MAGEB10: variants seen among roughly 807,000 people sequenced by gnomAD.
MAGEB10 encodes the protein MAGE family member B10.
For synonymous variants in MAGEB10, 99 were observed against 101.0 expected, an observed-to-expected ratio of 0.98 and a Z score of 0.12; for missense variants, 190 against 261.9, an observed-to-expected ratio of 0.73 and a Z score of 1.89.
intron 1 of MAGEB10, among the ~76,000 whole-genome samples, chrX:27,810,056 C>G (rs2147389929): frequency 9.0e-6 from 1 of 111,345 alleles, no homozygotes; most frequent in African/African-American, 3.3e-5. Flanking sequence ...ACTCAGCTCT[C>G]TGTAAAATGG....
intron 1 of MAGEB10, among the ~76,000 whole-genome samples, chrX:27,813,990 A>T (rs1923735210): frequency 9.0e-6 from 1 of 111,720 alleles, no homozygotes; most frequent in Admixed American, 9.5e-5. Context: ...ACCTGACATG[A>T]ATGTGCTCAA....
At chrX:27,809,420 C>CTCCAACCCCGCCAGCCCCCA (rs1235065275) in intron 1 of MAGEB10, among the ~76,000 whole-genome samples, 2 of 34,162 alleles carry the variant, frequency 5.9e-5, no homozygotes, top group African/African-American at 2.7e-4. Context: ...CGCCAGCCCC[C>CTCCAACCCCGCCAGCCCCCA]CCCAACCCCG....
At position 27,821,721 on chromosome X, in the gene MAGEB10, A is replaced by C. The variant is rs773999823; in HGVS notation, c.415A>C (p.Arg139=). 2 of 1,212,058 alleles carry C rather than the reference A, an allele frequency of 1.7e-6. No homozygotes were observed. The highest frequency in any genetic ancestry group is 1.7e-5 in the African/African-American group (1 of 57,846). ...KEPITKADML[R]NVTQMSKSQF... is the part of the protein sequence containing the mutation. ...GCCCATTACAAAGGCAGATATGCTG[A>C]GAAATGTAACCCAAATGTCCAAGAG... Residue 139 remains arginine (R), a synonymous_variant, in exon 3 of 3, where the codon AGA becomes CGA. Coordinates refer to ENST00000356790, the MANE Select transcript of MAGEB10 (RefSeq NM_182506.3).
chrX:27,822,468 T>C lies in MAGEB10; in HGVS notation c.*118T>C, dbSNP rs368168872. On this transcript the variant is annotated 3_prime_UTR_variant, in exon 3 of 3. Coordinates refer to ENST00000356790, the MANE Select transcript of MAGEB10 (RefSeq NM_182506.3). ...AATATGTTTGTGTTAATGTTCTATG[T>C]GATGGCTTGGAATTTTTGAAGATGT... The C allele has an allele frequency of 2.8e-6, 2 of 711,814 alleles. No homozygotes were observed. Among genetic ancestry groups the C allele is most frequent in the Non-Finnish European group, 4.0e-6 (2 of 497,635 alleles). 58.7% of individuals were successfully genotyped at this position (711,814 alleles called of 1,213,427 possible).
Position 27,821,476 on chromosome X carries a change from C to T in MAGEB10, c.170C>T (p.Ala57Val), listed in dbSNP as rs946890268. 2 of 1,209,198 alleles carry T rather than the reference C, an allele frequency of 1.7e-6. No homozygotes were observed. Among genetic ancestry groups the T allele is most frequent in the African/African-American group, 1.8e-5 (1 of 56,970 alleles). ...KDVFQSSLDG[A>V]SNNPHGLREA... ...GTTTTCCAGAGTTCACTTGATGGGGCATCCAACAATCCCCATGGACTTCGG... is the reference window on the plus strand; with the variant it reads ...GTTTTCCAGAGTTCACTTGATGGGGTATCCAACAATCCCCATGGACTTCGG... Residue 57 changes from alanine to valine, a missense_variant, in exon 3 of 3, where the codon GCA becomes GTA. Physicochemically the swap from Ala to Val is moderately conservative, Grantham distance 64. Coordinates refer to ENST00000356790, the MANE Select transcript of MAGEB10 (RefSeq NM_182506.3).
At chrX:27,819,714 T>A (rs976325600) in intron 2 of MAGEB10, among the ~76,000 whole-genome samples, 1 of 111,099 alleles carries the variant, frequency 9.0e-6, no homozygotes, top group African/African-American at 3.3e-5. Context: ...ACCCTAATAT[T>A]TGAGGCAACT....
Position 27,822,204 on chromosome X carries a change from C to A in MAGEB10, c.898C>A (p.Pro300Thr). 1 of 1,211,366 alleles carries A rather than the reference C, an allele frequency of 8.3e-7. No individual in the cohort carries two copies. ...EFLAKVNDTA[P>T]SEFSNWYTEA... The stretch of plus-strand genomic sequence containing the variant: ...TTTGGCCAAGGTAAATGATACAGCT[C>A]CCAGTGAATTCTCAAACTGGTATAC... The change falls in exon 3 of 3, where the codon CCC becomes ACC. Residue 300 changes from proline (P) to threonine (T), a missense_variant. Coordinates refer to ENST00000356790, the MANE Select transcript of MAGEB10 (RefSeq NM_182506.3).
intron 1 of MAGEB10, chrX:27,812,627 C>A (rs1923714085): frequency 4.1e-6 from 1 of 246,896 alleles, no homozygotes; most frequent in Admixed American, 4.2e-5. Context: ...ACCTCCTCAC[C>A]AAAGATTTAG....
intron 1 of MAGEB10, among the ~76,000 whole-genome samples, chrX:27,817,226 A>G (rs1197710344): frequency 1.8e-5 from 2 of 109,595 alleles, no homozygotes; most frequent in East Asian, 2.8e-4. Flanking sequence ...TACATCTCAT[A>G]CATACTTTAT....
Position 27,821,913 on chromosome X carries a change from C to T in MAGEB10, c.607C>T (p.Leu203=). The change falls in exon 3 of 3, where the codon CTG becomes TTG. Residue 203 remains leucine, a synonymous_variant. Transcript: ENST00000356790. Reference sequence around the variant, plus strand: ...TGAAACAGGCGTGCCCAAGACTGGCCTGCTGATGACTGTCCTGGGTATTAT... The same window carrying T: ...TGAAACAGGCGTGCCCAAGACTGGCTTGCTGATGACTGTCCTGGGTATTAT... ...SDETGVPKTG[L]LMTVLGIIFT... The T allele has an allele frequency of 2.5e-6, 3 of 1,211,696 alleles. No homozygotes were observed. Among genetic ancestry groups the T allele is most frequent in the Admixed American group, 2.2e-5 (1 of 45,995 alleles).
chrX:27,810,540 G>T (rs1437740307), intron 1 of MAGEB10, among the ~76,000 whole-genome samples: 1 of 111,433 alleles, frequency 9.0e-6, no homozygotes. Context: ...TGTAAGTTCT[G>T]GGAGGTCCCT....
At chrX:27,809,724 G>A (rs995821526) in intron 1 of MAGEB10, among the ~76,000 whole-genome samples, 2 of 97,617 alleles carry the variant, frequency 2.0e-5, no homozygotes, top group Admixed American at 1.1e-4. Flanking sequence ...GCCCCAGTGC[G>A]GGATCCACTG....
chrX:27,819,348 G>T (rs1039668265), intron 2 of MAGEB10, among the ~76,000 whole-genome samples: 2 of 111,488 alleles, frequency 1.8e-5, no homozygotes, highest in African/African-American at 6.5e-5. Context: ...GGTCCCATAT[G>T]GGGGTGGCTA....
chrX:27,822,315 A>C lies in MAGEB10; in HGVS notation c.1009A>C (p.Lys337Gln). 2 of 1,210,428 alleles carry C rather than the reference A, an allele frequency of 1.7e-6. No homozygotes were observed. The highest frequency in any genetic ancestry group is 2.2e-6 in the Non-Finnish European group (2 of 894,965). ...RVSATAGARS[K>Q]VKSSKSSQLQ ...TAGTGCCACAGCCGGTGCACGTTCCAAGGTTAAGTCCAGCAAGTCCTCCCA... is the reference window on the plus strand; with the variant it reads ...TAGTGCCACAGCCGGTGCACGTTCCCAGGTTAAGTCCAGCAAGTCCTCCCA... Residue 337 changes from lysine (K) to glutamine (Q), a missense_variant, in exon 3 of 3, where the codon AAG (lysine) becomes CAG (glutamine). Coordinates refer to ENST00000356790, the MANE Select transcript of MAGEB10 (RefSeq NM_182506.3).
chrX:27,822,385 G>T lies in MAGEB10; in HGVS notation c.*35G>T. 1 of 1,149,214 alleles carries T rather than the reference G, an allele frequency of 8.7e-7. No individual in the cohort carries two copies. The highest frequency in any genetic ancestry group is 2.0e-5 in the South Asian group (1 of 49,378). The allele number at this position is 1,149,214 out of a possible 1,213,427, so 94.7% of individuals were successfully genotyped here. On this transcript the variant is annotated 3_prime_UTR_variant, in exon 3 of 3. Coordinates refer to ENST00000356790, the MANE Select transcript of MAGEB10 (RefSeq NM_182506.3). ...GAGATTCTTCATTTGTGTTTGAAAA[G>T]AAATGCACATTCTGAGCTGTGGGAG...
At position 27,822,281 on chromosome X, in the gene MAGEB10, G is replaced by A. The variant is rs1390672809; in HGVS notation, c.975G>A (p.Lys325=). ...EERARARVAA[K]ARVSATAGAR... ...GAGCCAGAGCCAGAGTTGCAGCCAA[G>A]GCTCGCGTTAGTGCCACAGCCGGTG... The change falls in exon 3 of 3, where the codon AAG becomes AAA. Residue 325 remains lysine (K), a synonymous_variant. Transcript: ENST00000356790. The A allele has an allele frequency of 5.8e-6, 7 of 1,210,112 alleles. No individual in the cohort carries two copies. Among genetic ancestry groups the A allele is most frequent in the Non-Finnish European group, 7.8e-6 (7 of 895,331 alleles).
chrX:27,818,148 C>T (rs1602864898), intron 2 of MAGEB10, among the ~76,000 whole-genome samples: 1 of 111,122 alleles, frequency 9.0e-6, no homozygotes, highest in African/African-American at 3.3e-5. Context: ...GTCTTCCCTT[C>T]CCACTTCTCA....
In MAGEB10 at chrX:27,821,611, C is replaced by T; in HGVS notation, c.305C>T (p.Ala102Val). 8.3e-7 allele frequency: 1 copy of T among 1,210,787 alleles called. No homozygotes were observed. The highest frequency in any genetic ancestry group is 3.0e-5 in the East Asian group (1 of 33,792). ...ERPICTQDLE[A>V]TDSFPRGPVD... ...CCAATATGCACACAAGATCTAGAAG[C>T]CACTGATAGCTTTCCCAGAGGCCCT... is the stretch of plus-strand genomic sequence containing the variant. Residue 102 changes from alanine to valine, a missense_variant, in exon 3 of 3, where the codon GCC becomes GTC. Transcript: ENST00000356790.
In MAGEB10 at chrX:27,821,651, A is replaced by T. The variant is rs1367092340; in HGVS notation, c.345A>T (p.Val115=). 2 of 1,209,855 alleles carry T rather than the reference A, an allele frequency of 1.7e-6. No individual in the cohort carries two copies. The highest frequency in any genetic ancestry group is 3.5e-5 in the African/African-American group (2 of 57,127). ...CCAGAGGCCCTGTAGATGAGAAAGT[A>T]ATTATATTGGTGCATTACTTGCTGT... ...SFPRGPVDEK[V]IILVHYLLYK... is the part of the protein sequence containing the mutation. The change falls in exon 3 of 3, where the codon GTA becomes GTT. Residue 115 remains valine, a synonymous_variant. Transcript: ENST00000356790.
Sources: allele counts gnomAD v4.1 joint callset (sites outside exome capture counted in the v4.1 genomes callset), GRCh38; gene constraint gnomAD v4.1.1; transcripts MANE v1.5; gene names NCBI Gene and HGNC (gene_info 2026-07-23, HGNC 2026-07-21).